The following AGRN variants were observed in gnomAD, a reference collection of about 807,000 sequenced individuals.
AGRN encodes agrin proteoglycan.
A neutral mutation model predicts 211.0 loss-of-function variants in AGRN; 106 were observed. The observed-to-expected ratio is 0.50, with a 90% CI of 0.43 to 0.59. AGRN has a LOEUF of 0.59. Among genes scored for constraint, AGRN ranks in the 20% least tolerant of loss-of-function variants. The pLI is 0.00. For missense variants in AGRN, 3,040 were observed against 2,982.6 expected (o/e 1.02, Z -0.45); for synonymous variants, 1,525 against 1,332.5 (o/e 1.14, Z -3.15).
In AGRN at chr1:1,043,662, C is replaced by T. The variant is rs768510595; in HGVS notation, c.1728C>T (p.Ser576=). The change falls in exon 9 of 36, where the codon AGC becomes AGT. Residue 576 remains serine (S), a synonymous_variant. Transcript: ENST00000379370. Reference sequence around the variant, plus strand: ...GCTCCGACGGGCACACGTACCCCAGCGAGTGCATGCTGCACGTGCACGCCT... The same window carrying T: ...GCTCCGACGGGCACACGTACCCCAGTGAGTGCATGCTGCACGTGCACGCCT... ...VCGSDGHTYP[S]ECMLHVHACT... is the part of the protein sequence containing the mutation. 4.7e-5 allele frequency: 75 copies of T among 1,600,978 alleles called. No homozygotes were observed. Among genetic ancestry groups the T allele is most frequent in the Middle Eastern group, 1.6e-4 (1 of 6,062 alleles).
rs1020134608 is a variant in AGRN, at chr1:1,049,561, G to A, written c.4515-5G>A. 6.3e-7 allele frequency: 1 copy of A among 1,590,164 alleles called. No individual in the cohort carries two copies. The highest frequency in any genetic ancestry group is 1.3e-5 in the African/African-American group (1 of 74,688). The stretch of plus-strand genomic sequence containing the variant: ...GCCCTGACCCGGTGTCCCTCCTGGT[G>A]GCAGGGCGCTGGAGCGGACCTTCGT... On this transcript the variant is annotated splice_region_variant and splice_polypyrimidine_tract_variant and intron_variant, in intron 25 of 35. Transcript: ENST00000379370.
At chr1:1,047,274 A>AG in intron 19 of AGRN, 53 bp from the exon 20 acceptor site, 1 of 1,551,254 alleles carries the variant, frequency 6.4e-7, no homozygotes, top group Non-Finnish European at 8.7e-7. Context: ...TGCCTGGGCC[A>AG]GCCTGGATGC....
intron 3 of AGRN, among the ~76,000 whole-genome samples, chr1:1,038,599 TG>T (rs1333215241): frequency 6.6e-6 from 1 of 152,168 alleles, no homozygotes. Flanking sequence ...CCCTTGGCCA[TG>T]GTGTCAGGGC....
chr1:1,044,566 C>A, intron 12 of AGRN, 127 bp downstream of exon 12: 2 of 1,029,296 alleles, frequency 1.9e-6, no homozygotes, highest in Non-Finnish European at 1.4e-6. Context: ...TGTAAGTGAG[C>A]ATCGTCCAGT....
intron 2 of AGRN, among the ~76,000 whole-genome samples, chr1:1,028,565 T>C (rs113632379): frequency 0.052 from 6,096 of 117,608 alleles, 668 homozygotes; most frequent in African/African-American, 0.19. Flanking sequence ...ACGCCACCCT[T>C]TCCGAAGGAA....
Position 1,048,798 on chromosome 1 carries a change from C to A in AGRN, c.4106-69C>A. 3 of 1,105,968 alleles carry A rather than the reference C, an allele frequency of 2.7e-6. No homozygotes were observed. The South Asian group carries it at 4.7e-5, about 18-fold the overall frequency. 68.5% of individuals were successfully genotyped at this position (1,105,968 alleles called of 1,614,324 possible). On this transcript the variant is annotated intron_variant, in intron 23 of 35. Coordinates refer to ENST00000379370, the MANE Select transcript of AGRN (RefSeq NM_198576.4). This position sits in a 1 kb window ranked among gnomAD's most constrained non-coding sequence, Gnocchi z 5.9. ...AAAAAAAAAAAAAAAAAGCAGGGGG[C>A]GGTTTCAGGGATAAAAGTGGGGAAT...
In AGRN at chr1:1,039,808, G is replaced by A. The variant is rs996372398; in HGVS notation, c.512-857G>A. Among the ~76,000 whole-genome samples, 8 of 152,096 alleles carry A rather than the reference G, an allele frequency of 5.3e-5. No individual in the cohort carries two copies. The East Asian group carries it at 1.5e-3, about 29-fold the overall frequency. On this transcript the variant is annotated intron_variant, in intron 3 of 35. Coordinates refer to ENST00000379370, the MANE Select transcript of AGRN (RefSeq NM_198576.4). ...GAGGCAAGAGTGAGGTGGGGGGCCG[G>A]GGGATGCCCAGGGAGGAGGGGGCGT...
intron 7 of AGRN, among the ~76,000 whole-genome samples, chr1:1,042,638 C>T (rs1049002963): frequency 6.6e-6 from 1 of 152,180 alleles, no homozygotes; most frequent in Non-Finnish European, 1.5e-5. Context: ...CTGCGTCTGT[C>T]TCTTCTCTTT....
In AGRN at chr1:1,049,654, G is replaced by T; in HGVS notation, c.4603G>T (p.Gly1535Trp). 3 of 1,582,646 alleles carry T rather than the reference G, an allele frequency of 1.9e-6. No individual in the cohort carries two copies. Among genetic ancestry groups the T allele is most frequent in the Non-Finnish European group, 2.6e-6 (3 of 1,165,366 alleles). The change falls in exon 26 of 36, where the codon GGG becomes TGG. Residue 1535 changes from glycine (G) to tryptophan (W), a missense_variant. Around this residue, in one of 3 missense-constraint regions of AGRN, gnomAD observed 1,537 missense variants for 1,505.0 expected, o/e 1.02. Coordinates refer to ENST00000379370, the MANE Select transcript of AGRN (RefSeq NM_198576.4). ...VNNQRLELGIGPGAATRGSGV... is the reference protein window; with the variant it reads ...VNNQRLELGIWPGAATRGSGV... ...CAACCAGCGCCTGGAGCTTGGCATT[G>T]GGCCGGGGGCTGCCACCCGAGGCTC... is the stretch of plus-strand genomic sequence containing the variant.
Position 1,046,016 on chromosome 1 carries a change from G to A in AGRN, c.2733G>A (p.Arg911=). The change falls in exon 16 of 36, where the codon CGG becomes CGA. Residue 911 remains arginine (R), a synonymous_variant. Coordinates refer to ENST00000379370, the MANE Select transcript of AGRN (RefSeq NM_198576.4). ...CAEMRCEFGA[R]CVEESGSAHC... is the part of the protein sequence containing the mutation. ...AGATGCGCTGTGAGTTCGGTGCGCG[G>A]TGCGTGGAGGAGTCTGGCTCAGCCC... The A allele has an allele frequency of 6.2e-7, 1 of 1,614,030 alleles. No individual in the cohort carries two copies. Among genetic ancestry groups the A allele is most frequent in the Admixed American group, 1.7e-5 (1 of 60,032 alleles).
chr1:1,041,928 C>T (rs762070305), intron 6 of AGRN, 28 bp from the exon 7 acceptor site: 1 of 1,609,384 alleles, frequency 6.2e-7, no homozygotes, highest in Non-Finnish European at 8.5e-7. Context: ...TCCAGCCTCT[C>T]CGTGACTCCC....
intron 34 of AGRN, 116 bp from the exon 35 acceptor site, chr1:1,054,332 C>CG: frequency 2.0e-6 from 2 of 976,498 alleles, no homozygotes; most frequent in South Asian, 1.5e-5. Context: ...GGTGATACCT[C>CG]GGGGGTTCTC....
Position 1,044,414 on chromosome 1 carries a change from C to T in AGRN, c.2229C>T (p.Tyr743=), listed in dbSNP as rs768893094. 4.3e-6 allele frequency: 7 copies of T among 1,611,408 alleles called. No homozygotes were observed. The highest frequency in any genetic ancestry group is 2.7e-5 in the African/African-American group (2 of 75,006). The part of the protein sequence containing the change: ...KARCESQRGL[Y]VAAQGACRGP... ...GGTGTGAGTCACAGCGAGGGCTCTA[C>T]GTAGCGGCCCAGGGAGCCTGCCGAG... The change falls in exon 12 of 36, where the codon TAC becomes TAT. Residue 743 remains tyrosine (Y), a synonymous_variant. Transcript: ENST00000379370.
chr1:1,044,064 T>A, intron 10 of AGRN, 41 bp downstream of exon 10: 2 of 1,612,748 alleles, frequency 1.2e-6, no homozygotes, highest in Non-Finnish European at 1.7e-6. Flanking sequence ...GGGCTCTGGC[T>A]TTGGACAAGA....
chr1:1,028,320 G>A (rs1429178873), intron 2 of AGRN, among the ~76,000 whole-genome samples: 2 of 105,092 alleles, frequency 1.9e-5, no homozygotes, highest in Non-Finnish European at 3.7e-5. Context: ...GTGGGGAAAC[G>A]CCCCCCCCCC....
Position 1,032,685 on chromosome 1 carries a change from G to C in AGRN, c.464-2592G>C, listed in dbSNP as rs1028659015. Among the ~76,000 whole-genome samples the C allele has an allele frequency of 2.6e-5, 4 of 152,214 alleles. No homozygotes were observed. On this transcript the variant is annotated intron_variant, in intron 2 of 35. Coordinates refer to ENST00000379370, the MANE Select transcript of AGRN (RefSeq NM_198576.4). The surrounding 1 kb of genome is among the most constrained non-coding windows in gnomAD (Gnocchi z 4.7). The stretch of plus-strand genomic sequence containing the variant: ...TCCGCGGTGCTGGAGGGGACTGGCG[G>C]AGCAGAAGCGCCCTGGCGCCGGGTC...
chr1:1,034,343 G>A, intron 2 of AGRN: 6 of 985,530 alleles, frequency 6.1e-6, no homozygotes, highest in Non-Finnish European at 7.2e-6. Context: ...TCTACTCCGG[G>A]AGAATTCTGC....
chr1:1,050,054 T>A lies in AGRN; in HGVS notation c.4879+17T>A, dbSNP rs535286672. On this transcript the variant is annotated intron_variant, in intron 27 of 35. Transcript: ENST00000379370. ...GCCAGACAGGTCGGGGGCGTGGGGCTCTCGGGGCAGGGGGGGGGGGGGGGT... is the reference window on the plus strand; with the variant it reads ...GCCAGACAGGTCGGGGGCGTGGGGCACTCGGGGCAGGGGGGGGGGGGGGGT... 412 of 859,976 alleles carry A rather than the reference T, an allele frequency of 4.8e-4. 3 individuals are homozygous for A. The African/African-American group carries it at 8.1e-3, about 17-fold the overall frequency. 53.3% of individuals were successfully genotyped at this position (859,976 alleles called of 1,614,324 possible). A position where few individuals can be genotyped will look rare whatever the true frequency, so the allele number is the denominator to read the frequency against.
chr1:1,022,520 G>A, intron 2 of AGRN, 58 bp downstream of exon 2: 1 of 1,508,472 alleles, frequency 6.6e-7, no homozygotes, highest in Non-Finnish European at 9.0e-7. Context: ...GGCCAAGGGG[G>A]ACAGGTTGCA....
Sources: allele counts gnomAD v4.1 joint callset (sites outside exome capture counted in the v4.1 genomes callset), GRCh38; gene constraint gnomAD v4.1.1; regional missense constraint gnomAD v4.1.1; non-coding constraint Gnocchi (gnomAD v3.1); transcripts MANE v1.5; gene names NCBI Gene and HGNC (gene_info 2026-07-23, HGNC 2026-07-21).